The following SPOCK1 variants were observed in gnomAD, a reference collection of about 807,000 sequenced individuals.
SPOCK1 encodes the protein testican-1.
Under a neutral mutation model 55.3 loss-of-function variants are expected in SPOCK1, and 23 were observed. The observed-to-expected ratio is 0.42, with a 90% CI of 0.30 to 0.59. The LOEUF (loss-of-function observed/expected upper bound fraction) is 0.59, where lower values mean the gene tolerates loss of function less well. SPOCK1 is among the 20% of genes least tolerant of loss of function. The pLI is 0.22. For missense variants in SPOCK1, 499 were observed against 552.5 expected, an observed-to-expected ratio of 0.90 and a Z score of 0.97; for synonymous variants, 226 against 221.0, an observed-to-expected ratio of 1.02 and a Z score of -0.20.
rs569424068 is a variant in SPOCK1 at position 137,142,449 on chromosome 5, C to CA, written c.233-1756dup. 2.0e-5 allele frequency among the ~76,000 whole-genome samples: 3 copies of CA among 152,310 alleles called. No individual in the cohort carries two copies. In the East Asian group the frequency reaches 5.8e-4, roughly 30 times the overall value. The stretch of plus-strand genomic sequence containing the variant: ...GCTTAACTGGCTCCCTCCACTGCCG[C>CA]AGCTTCAGCAGCTGTAAACAGAAGC... On this transcript the variant is annotated intron_variant, in intron 3 of 10. Coordinates refer to ENST00000394945, the MANE Select transcript of SPOCK1 (RefSeq NM_004598.4).
chr5:137,366,544 A>G (rs1751067508), intron 2 of SPOCK1, among the ~76,000 whole-genome samples: 1 of 152,134 alleles, frequency 6.6e-6, no homozygotes, highest in South Asian at 2.1e-4. Flanking sequence ...TGTGCCCTAA[A>G]TCCTTCCACC....
intron 6 of SPOCK1, among the ~76,000 whole-genome samples, chr5:137,015,861 T>C (rs1460063465): frequency 1.3e-5 from 2 of 152,248 alleles, no homozygotes; most frequent in East Asian, 3.9e-4. Flanking sequence ...CAAGTCAGGA[T>C]ACCATTTTAA....
intron 2 of SPOCK1, among the ~76,000 whole-genome samples, chr5:137,447,260 C>A (rs979040672): frequency 6.6e-6 from 1 of 152,144 alleles, no homozygotes; most frequent in Non-Finnish European, 1.5e-5. Context: ...AAAAGGAGGG[C>A]AACAGCTGAC....
intron 2 of SPOCK1, among the ~76,000 whole-genome samples, chr5:137,332,243 G>A (rs1299711763): frequency 6.6e-6 from 1 of 151,774 alleles, no homozygotes; most frequent in Non-Finnish European, 1.5e-5. Context: ...ACAAGACTGT[G>A]CCCCTCCCTT....
At chr5:137,184,727 A>G (rs976161718) in intron 3 of SPOCK1, among the ~76,000 whole-genome samples, 2 of 152,130 alleles carry the variant, frequency 1.3e-5, no homozygotes, top group Admixed American at 6.6e-5. Context: ...TGAGGATCAG[A>G]AACAGGTGCA....
chr5:137,211,191 C>A (rs1220861940), intron 3 of SPOCK1, among the ~76,000 whole-genome samples: 1 of 152,194 alleles, frequency 6.6e-6, no homozygotes, highest in Non-Finnish European at 1.5e-5. Context: ...CACAGTCTAG[C>A]TCCTACTATC....
At chr5:137,336,300 G>A (rs2127153690) in intron 2 of SPOCK1, among the ~76,000 whole-genome samples, 1 of 152,294 alleles carries the variant, frequency 6.6e-6, no homozygotes, top group Middle Eastern at 3.4e-3. Context: ...GTCTATCATA[G>A]GGACAGGCCC....
chr5:137,088,068 T>C (rs1250501780), intron 5 of SPOCK1, among the ~76,000 whole-genome samples: 2 of 152,178 alleles, frequency 1.3e-5, no homozygotes, highest in Non-Finnish European at 1.5e-5. Flanking sequence ...CTAGATTCCA[T>C]GTGTGTGAAG....
chr5:137,295,969 C>T (rs1367372069), intron 2 of SPOCK1, among the ~76,000 whole-genome samples: 3 of 152,052 alleles, frequency 2.0e-5, no homozygotes, highest in East Asian at 1.9e-4. Context: ...GATACCTAAC[C>T]CCCAATGTGA....
chr5:137,007,497 T>A (rs1751272197), intron 6 of SPOCK1, among the ~76,000 whole-genome samples: 1 of 152,156 alleles, frequency 6.6e-6, no homozygotes, highest in Non-Finnish European at 1.5e-5. Flanking sequence ...ACAGACAGTT[T>A]TCAAAGGAAG....
intron 2 of SPOCK1, among the ~76,000 whole-genome samples, chr5:137,291,031 G>T (rs531338346): frequency 6.6e-6 from 1 of 152,172 alleles, no homozygotes; most frequent in South Asian, 2.1e-4. Context: ...GAATTTGGGG[G>T]TTGGCCTGAG....
At chr5:137,329,051 T>C (rs898634826) in intron 2 of SPOCK1, among the ~76,000 whole-genome samples, 1 of 152,186 alleles carries the variant, frequency 6.6e-6, no homozygotes, top group Non-Finnish European at 1.5e-5. Context: ...AAGGTGTATC[T>C]GGATGAGATT....
chr5:137,477,221 A>T (rs969391506), intron 2 of SPOCK1, among the ~76,000 whole-genome samples: 2 of 152,238 alleles, frequency 1.3e-5, no homozygotes, highest in Non-Finnish European at 2.9e-5. Flanking sequence ...TATACAGCTC[A>T]TGATTTCATT....
At chr5:137,333,903 AAAAAAG>A (rs1758237529) in intron 2 of SPOCK1, among the ~76,000 whole-genome samples, 5 of 152,342 alleles carry the variant, frequency 3.3e-5, no homozygotes, top group African/African-American at 1.2e-4. Flanking sequence ...TACTTAACAA[AAAAAAG>A]AAAGACAAAA....
intron 4 of SPOCK1, among the ~76,000 whole-genome samples, chr5:137,126,340 G>A (rs984482196): frequency 2.0e-5 from 3 of 152,180 alleles, no homozygotes; most frequent in South Asian, 2.1e-4. Flanking sequence ...GCAGAACCAT[G>A]AGCCAAATAT....
chr5:137,111,770 C>A (rs976838987), intron 5 of SPOCK1, among the ~76,000 whole-genome samples: 8 of 152,176 alleles, frequency 5.3e-5, no homozygotes, highest in Admixed American at 4.6e-4. Context: ...GAGGCTTTTC[C>A]TCATCTTTCC....
chr5:137,293,698 T>C (rs1057327449), intron 2 of SPOCK1, among the ~76,000 whole-genome samples: 2 of 152,216 alleles, frequency 1.3e-5, no homozygotes, highest in Non-Finnish European at 2.9e-5. Context: ...TGACACTTGC[T>C]GTAGGGCAGC....
chr5:137,076,339 T>C (rs1256875587), intron 5 of SPOCK1, among the ~76,000 whole-genome samples: 1 of 152,250 alleles, frequency 6.6e-6, no homozygotes, highest in Non-Finnish European at 1.5e-5. Flanking sequence ...TATCTTTGAC[T>C]AGAGCCTAGC....
intron 2 of SPOCK1, among the ~76,000 whole-genome samples, chr5:137,317,739 C>T (rs1757905928): frequency 6.6e-6 from 1 of 152,178 alleles, no homozygotes; most frequent in African/African-American, 2.4e-5. Flanking sequence ...CTCCTTCCTC[C>T]AGAATGTGAA....
Sources: allele counts gnomAD v4.1 joint callset (sites outside exome capture counted in the v4.1 genomes callset), GRCh38; gene constraint gnomAD v4.1.1; transcripts MANE v1.5; gene names NCBI Gene and HGNC (gene_info 2026-07-23, HGNC 2026-07-21).